Variants in SAMD5 observed in about 807,000 individuals in gnomAD.
SAMD5 encodes the protein sterile alpha motif domain-containing protein 5.
SAMD5 carries 13 observed loss-of-function variants against 11.3 expected under a neutral mutation model. That is an observed-to-expected ratio of 1.15 (90% CI 0.75 to 1.83). The LOEUF (loss-of-function observed/expected upper bound fraction) is 1.83, where lower values mean the gene tolerates loss of function less well. Among genes scored for constraint, SAMD5 ranks in the 40% most tolerant of loss-of-function variants. The pLI, the probability that SAMD5 is intolerant of heterozygous loss-of-function variation, is 0.00. For synonymous variants in SAMD5, 129 were observed against 111.3 expected (o/e 1.16, Z -1.00); for missense variants, 255 against 239.1 (o/e 1.07, Z -0.44).
the SAMD5 span, among the ~76,000 whole-genome samples, chr6:147,877,174 C>T: frequency 1.3e-5 from 2 of 151,948 alleles, no homozygotes; most frequent in Non-Finnish European, 1.5e-5. Context: ...AATCCTAGTG[C>T]ACAATACCTG....
At chr6:147,698,946 AT>A (rs879687196) in intron 1 of SAMD5, among the ~76,000 whole-genome samples, 3 of 152,170 alleles carry the variant, frequency 2.0e-5, no homozygotes, top group Non-Finnish European at 4.4e-5. Flanking sequence ...TCAATTTGGC[AT>A]GTTTGGGCAA....
At chr6:147,718,051 G>C (rs1170102254) in intron 1 of SAMD5, among the ~76,000 whole-genome samples, 1 of 152,110 alleles carries the variant, frequency 6.6e-6, no homozygotes, top group Non-Finnish European at 1.5e-5. Flanking sequence ...ATTCACAAGA[G>C]AAATTTCCCC....
At chr6:147,532,467 T>C (rs1419692199) in intron 1 of SAMD5, among the ~76,000 whole-genome samples, 1 of 152,252 alleles carries the variant, frequency 6.6e-6, no homozygotes, top group African/African-American at 2.4e-5. Flanking sequence ...GCAAAAAACA[T>C]TATTTCATTC....
At position 147,565,966 on chromosome 6, in the gene SAMD5, A is replaced by G. The variant is rs1214790756; in HGVS notation, c.*1510A>G. The G allele has an allele frequency of 1.3e-5, 13 of 985,128 alleles. No individual in the cohort carries two copies. Among genetic ancestry groups the G allele is most frequent in the Non-Finnish European group, 1.6e-5 (13 of 829,782 alleles). 61.0% of individuals were successfully genotyped at this position (985,128 alleles called of 1,614,324 possible). ...GATGTAAGTTCCCATCGGCACCGTC[A>G]TGGTAAGAAGAATAAGAAACTCTCA... On this transcript the variant is annotated 3_prime_UTR_variant, in exon 2 of 2. Transcript: ENST00000367474.
At chr6:147,524,321 A>G (rs956709901) in intron 1 of SAMD5, among the ~76,000 whole-genome samples, 1 of 152,074 alleles carries the variant, frequency 6.6e-6, no homozygotes, top group African/African-American at 2.4e-5. Flanking sequence ...ATCATCCCCA[A>G]CATAGCTGGT....
chr6:147,770,265 A>AAC, the SAMD5 span, among the ~76,000 whole-genome samples: 1 of 152,166 alleles, frequency 6.6e-6, no homozygotes, highest in Non-Finnish European at 1.5e-5. Context: ...TTTTTTTTAA[A>AAC]AAAAATCTAG....
At chr6:147,561,867 A>G (rs1562321062) in intron 1 of SAMD5, among the ~76,000 whole-genome samples, 1 of 152,180 alleles carries the variant, frequency 6.6e-6, no homozygotes, top group African/African-American at 2.4e-5. Context: ...CAGGGAAATC[A>G]CTGACGTTTC....
chr6:147,570,984 C>T (rs1488399679), downstream of SAMD5, among the ~76,000 whole-genome samples: 1 of 152,082 alleles, frequency 6.6e-6, no homozygotes, highest in African/African-American at 2.4e-5. Flanking sequence ...TCTGTGGCTC[C>T]TTCAAAAAAG....
intron 1 of SAMD5, among the ~76,000 whole-genome samples, chr6:147,593,485 T>A (rs983392887): frequency 7.9e-5 from 12 of 152,182 alleles, no homozygotes; most frequent in Admixed American, 2.6e-4. Flanking sequence ...ATAAAATGTT[T>A]GGTCAATAAA....
chr6:147,598,251 A>G lies in SAMD5; in HGVS notation c.162+88864A>G, dbSNP rs566544214. ...GCAATCTTCCCACCAGAGCCCCCCAAGTAGCTGGGACTACATGTGTACACC... is the reference window on the plus strand; with the variant it reads ...GCAATCTTCCCACCAGAGCCCCCCAGGTAGCTGGGACTACATGTGTACACC... On this transcript the variant is annotated intron_variant, in intron 1 of 1. Coordinates refer to the SAMD5 transcript ENST00000566741. 3.3e-5 allele frequency among the ~76,000 whole-genome samples: 5 copies of G among 151,926 alleles called. No individual in the cohort carries two copies. In the South Asian group the frequency reaches 8.3e-4, roughly 25 times the overall value.
At chr6:147,942,823 C>CTTTTTT in the SAMD5 span, among the ~76,000 whole-genome samples, 80 of 128,812 alleles carry the variant, frequency 6.2e-4, no homozygotes, top group Non-Finnish European at 8.6e-4. Context: ...CCCAATGCTT[C>CTTTTTT]TTTTTTTTTT....
At chr6:147,702,046 AAAGAGG>A (rs1315219326) in intron 1 of SAMD5, among the ~76,000 whole-genome samples, 2 of 152,228 alleles carry the variant, frequency 1.3e-5, no homozygotes, top group African/African-American at 2.4e-5. Flanking sequence ...TTTATAAAGG[AAAGAGG>A]TTTAATGGAC....
intron 1 of SAMD5, among the ~76,000 whole-genome samples, chr6:147,643,795 A>AGGAAGGAAAG (rs1554239609): frequency 7.8e-4 from 114 of 147,070 alleles, no homozygotes; most frequent in Non-Finnish European, 1.4e-3. Flanking sequence ...GAAGGAAGGA[A>AGGAAGGAAAG]AGAGAGAGAG....
chr6:147,775,202 G>T, the SAMD5 span, among the ~76,000 whole-genome samples: 9 of 151,036 alleles, frequency 6.0e-5, no homozygotes, highest in Admixed American at 1.3e-4. Context: ...GTAGATCACA[G>T]ACTGGAGTCA....
At chr6:147,813,015 C>A in the SAMD5 span, among the ~76,000 whole-genome samples, 1,185 of 152,322 alleles carry the variant, frequency 7.8e-3, 18 homozygotes, top group Middle Eastern at 0.041. Flanking sequence ...ATCAGCACCA[C>A]TGAAAATTAG....
At chr6:147,883,587 T>C in the SAMD5 span, among the ~76,000 whole-genome samples, 1 of 152,210 alleles carries the variant, frequency 6.6e-6, no homozygotes, top group Non-Finnish European at 1.5e-5. Flanking sequence ...TGAGATTATG[T>C]AGCCTTTACA....
In SAMD5 at chr6:147,721,161, G is replaced by A. The variant is rs554230560; in HGVS notation, c.163-16156G>A. 2.0e-3 allele frequency among the ~76,000 whole-genome samples: 300 copies of A among 146,842 alleles called. 1 individual carries two copies. Among genetic ancestry groups the A allele is most frequent in the African/African-American group, 7.1e-3 (272 of 38,366 alleles). ...GTGAATAATGCGGCAATAAACATAC[G>A]TGTGCATGTGTCTTTATAGCAGCAT... On this transcript the variant is annotated intron_variant, in intron 1 of 1. Coordinates refer to the SAMD5 transcript ENST00000566741.
the SAMD5 span, among the ~76,000 whole-genome samples, chr6:147,816,451 A>T: frequency 1.3e-5 from 2 of 150,668 alleles, no homozygotes; most frequent in Non-Finnish European, 1.5e-5. Flanking sequence ...GGTATTTAAT[A>T]TTAAACATGT....
At chr6:147,700,578 AG>A (rs200082463) in intron 1 of SAMD5, among the ~76,000 whole-genome samples, 5,771 of 133,052 alleles carry the variant, frequency 0.043, 158 homozygotes, top group Non-Finnish European at 0.067. Context: ...TCTGTATCTC[AG>A]GCCCTGTCCA....
Sources: gnomAD v4.1 joint callset for allele counts (sites outside exome capture counted in the v4.1 genomes callset) on GRCh38, gnomAD v4.1.1 for gene constraint, MANE v1.5 for transcripts, NCBI Gene and HGNC (gene_info 2026-07-23, HGNC 2026-07-21) for gene names.